Variants in SPHKAP observed in about 807,000 individuals in gnomAD.
SPHKAP encodes SPHK1 interactor, AKAP domain containing.
A neutral mutation model predicts 137.5 loss-of-function variants in SPHKAP; 67 were observed. That is an observed-to-expected ratio of 0.49 (90% CI 0.40 to 0.60). The LOEUF (loss-of-function observed/expected upper bound fraction) is 0.60, where lower values mean the gene tolerates loss of function less well. Ranked by LOEUF, SPHKAP falls within the 20% of genes least tolerant of loss-of-function variation. The pLI, the probability that SPHKAP is intolerant of heterozygous loss-of-function variation, is 0.00. For synonymous variants in SPHKAP, 813 were observed against 785.3 expected (o/e 1.04, Z -0.59); for missense variants, 2,097 against 2,069.3 (o/e 1.01, Z -0.26).
At chr2:228,082,170 A>T (rs1465023919) in intron 3 of SPHKAP, among the ~76,000 whole-genome samples, 1 of 152,210 alleles carries the variant, frequency 6.6e-6, no homozygotes, top group African/African-American at 2.4e-5. Context: ...CTTTTCTAGA[A>T]AATCAAGGAT....
chr2:228,154,512 C>CTCTCTATATATATA (rs1393941364), intron 1 of SPHKAP, among the ~76,000 whole-genome samples: 25 of 22,062 alleles, frequency 1.1e-3, no homozygotes, highest in East Asian at 8.3e-3. Context: ...CTCTCTCTCT[C>CTCTCTATATATATA]TATATATATA....
rs1700915646 is a variant in SPHKAP, at chr2:228,181,554, A to G, written c.32+13T>C. 1 of 1,614,034 alleles carries G rather than the reference A, an allele frequency of 6.2e-7. No homozygotes were observed. Among genetic ancestry groups the G allele is most frequent in the African/African-American group, 1.3e-5 (1 of 74,928 alleles). On this transcript the variant is annotated intron_variant, in intron 1 of 11. Coordinates refer to ENST00000392056, the MANE Select transcript of SPHKAP (RefSeq NM_001142644.2). This position sits in a 1 kb window ranked among gnomAD's most constrained non-coding sequence, Gnocchi z 4.3. ...TCGACATGGTATTGGGCATAGAAAG[A>G]AGCGGGTCTTACCTTGGTACCGAGA... is the stretch of plus-strand genomic sequence containing the variant.
intron 2 of SPHKAP, 117 bp from the exon 3 acceptor site, chr2:228,109,056 G>T: frequency 3.1e-6 from 2 of 650,876 alleles, no homozygotes; most frequent in South Asian, 5.6e-5. Context: ...CTTTTCCTCA[G>T]AGCTTCTGGG....
chr2:228,032,017 A>G (rs921458852), intron 3 of SPHKAP, among the ~76,000 whole-genome samples: 2 of 152,254 alleles, frequency 1.3e-5, no homozygotes, highest in African/African-American at 2.4e-5. Context: ...CAGCAACGGA[A>G]CAAAGCTGGA....
At chr2:228,072,249 A>T (rs1038557438) in intron 3 of SPHKAP, among the ~76,000 whole-genome samples, 1 of 152,214 alleles carries the variant, frequency 6.6e-6, no homozygotes, top group African/African-American at 2.4e-5. Flanking sequence ...CAGCCTGCAG[A>T]TCATGAAACT....
chr2:228,159,154 A>T (rs1416530523), intron 1 of SPHKAP, among the ~76,000 whole-genome samples: 1 of 152,178 alleles, frequency 6.6e-6, no homozygotes, highest in Non-Finnish European at 1.5e-5. Flanking sequence ...CAACTCAGAC[A>T]CTGTCCAGTT....
At position 228,025,604 on chromosome 2, in the gene SPHKAP, G is replaced by A. The variant is rs1195171058; in HGVS notation, c.307-76C>T. ...CTACTCACAAACTACTTTACCTTCA[G>A]AAATAATACTCATAACTGCTCATAC... On this transcript the variant is annotated intron_variant, in intron 4 of 11. Transcript: ENST00000392056. The A allele has an allele frequency of 3.2e-6, 5 of 1,540,136 alleles. No homozygotes were observed. In the African/African-American group the frequency reaches 5.5e-5, roughly 17 times the overall value.
intron 1 of SPHKAP, among the ~76,000 whole-genome samples, chr2:228,172,616 G>A (rs182721190): frequency 6.6e-6 from 1 of 152,162 alleles, no homozygotes; most frequent in Admixed American, 6.5e-5. Flanking sequence ...GCTGGGTCAG[G>A]CAGGATGGGC....
At chr2:228,072,751 C>A (rs933833243) in intron 3 of SPHKAP, among the ~76,000 whole-genome samples, 11 of 151,850 alleles carry the variant, frequency 7.2e-5, no homozygotes, top group African/African-American at 2.7e-4. Flanking sequence ...CTTGAAGAGG[C>A]CACAAAGAGA....
chr2:228,041,914 G>A lies in SPHKAP; in HGVS notation c.247-14371C>T, dbSNP rs185540022. On this transcript the variant is annotated intron_variant, in intron 3 of 11. Transcript: ENST00000392056. ...TCCTGTGGGTTGTGAATTGTCAGGT[G>A]AGTCTTAGAAACAGAGCAGCTAATC... 1.5e-3 allele frequency among the ~76,000 whole-genome samples: 235 copies of A among 152,174 alleles called. 1 individual carries two copies. The highest frequency in any genetic ancestry group is 6.8e-3 in the Middle Eastern group (2 of 294).
At chr2:228,151,203 G>A (rs1024696246) in intron 1 of SPHKAP, among the ~76,000 whole-genome samples, 6 of 151,372 alleles carry the variant, frequency 4.0e-5, no homozygotes, top group South Asian at 4.2e-4. Context: ...TTGTCCTTGC[G>A]ATAGTTTACT....
At position 228,181,368 on chromosome 2, in the gene SPHKAP, G is replaced by A. The variant is rs1357467863; in HGVS notation, c.32+199C>T. ...GCGCACAGGCCCCACTCAGCATCGC[G>A]CCCTGTGGGGCAGTTGACAGGGTCC... On this transcript the variant is annotated intron_variant, in intron 1 of 11. Coordinates refer to ENST00000392056, the MANE Select transcript of SPHKAP (RefSeq NM_001142644.2). The surrounding 1 kb of genome is among the most constrained non-coding windows in gnomAD (Gnocchi z 4.3). 6.6e-6 allele frequency among the ~76,000 whole-genome samples: 1 copy of A among 152,136 alleles called. No homozygotes were observed. Among genetic ancestry groups the A allele is most frequent in the Non-Finnish European group, 1.5e-5 (1 of 68,020 alleles).
At chr2:227,987,044 C>T (rs1693236586) in intron 11 of SPHKAP, among the ~76,000 whole-genome samples, 1 of 152,200 alleles carries the variant, frequency 6.6e-6, no homozygotes, top group Non-Finnish European at 1.5e-5. Flanking sequence ...ATTTAGGATA[C>T]TTTAAGGCCA....
chr2:228,022,012 A>G, intron 5 of SPHKAP, 46 bp from the exon 6 acceptor site: 1 of 1,527,256 alleles, frequency 6.5e-7, no homozygotes, highest in Non-Finnish European at 8.8e-7. Context: ...AGGGAAAATA[A>G]AAGACTATTG....
In SPHKAP at chr2:228,016,414, T is replaced by C. The variant is rs1261943048; in HGVS notation, c.4440A>G (p.Gln1480=). The part of the protein sequence containing the change: ...RGGDTAVSAC[Q]IHSDSLDTRD... ...TGAGACGATTCACTCACCTATGGAT[T>C]TGACAAGCGCTCACGGCTGTGTCTC... Residue 1480 remains glutamine, a synonymous_variant, in exon 7 of 12, where the codon CAA becomes CAG. Transcript: ENST00000392056. The C allele has an allele frequency of 3.1e-6, 5 of 1,589,632 alleles. No individual in the cohort carries two copies. The highest frequency in any genetic ancestry group is 1.7e-4 in the Middle Eastern group (1 of 5,886).
chr2:228,092,172 CACACAT>C (rs1466595488), intron 3 of SPHKAP, among the ~76,000 whole-genome samples: 5 of 106,494 alleles, frequency 4.7e-5, no homozygotes, highest in African/African-American at 1.1e-4. Context: ...TGTGTGTACA[CACACAT>C]GTGTGTACAT....
intron 3 of SPHKAP, among the ~76,000 whole-genome samples, chr2:228,050,986 T>C (rs1199808142): frequency 1.3e-5 from 2 of 151,952 alleles, no homozygotes; most frequent in African/African-American, 4.8e-5. Flanking sequence ...TTGTATATTT[T>C]GTAGAGACAG....
rs1395850068 is a variant in SPHKAP, at chr2:228,017,133, C to G, written c.3721G>C (p.Asp1241His). 6.2e-7 allele frequency: 1 copy of G among 1,613,912 alleles called. No individual in the cohort carries two copies. Among genetic ancestry groups the G allele is most frequent in the African/African-American group, 1.3e-5 (1 of 74,920 alleles). ...PVCHRQSSMP[D>H]SRSPCSRLTV... ...AGCCTGGAGCATGGGGATCTGCTGTCTGGCATGGACGACTGTCTGTGGCAC... is the reference window on the plus strand; with the variant it reads ...AGCCTGGAGCATGGGGATCTGCTGTGTGGCATGGACGACTGTCTGTGGCAC... Residue 1241 changes from aspartate (D) to histidine (H), a missense_variant, in exon 7 of 12, where the codon GAC becomes CAC. Transcript: ENST00000392056.
intron 1 of SPHKAP, chr2:228,169,742 T>G (rs1290166901): frequency 6.6e-6 from 1 of 152,092 alleles, no homozygotes; most frequent in Non-Finnish European, 1.5e-5. Flanking sequence ...AAGTACATTT[T>G]GTGCTTGCTT....
Sources: gnomAD v4.1 joint callset for allele counts (sites outside exome capture counted in the v4.1 genomes callset) on GRCh38, gnomAD v4.1.1 for gene constraint, Gnocchi (gnomAD v3.1) non-coding constraint, MANE v1.5 for transcripts, NCBI Gene and HGNC (gene_info 2026-07-23, HGNC 2026-07-21) for gene names.